RYK: variants seen among roughly 807,000 people sequenced by gnomAD.
RYK encodes inactive tyrosine-protein kinase RYK.
RYK carries 21 observed loss-of-function variants against 70.2 expected under a neutral mutation model. That is an observed-to-expected ratio of 0.30 (90% CI 0.21 to 0.43). RYK has a LOEUF of 0.43. RYK is among the 20% of genes least tolerant of loss of function. The pLI, the probability that RYK is intolerant of heterozygous loss-of-function variation, is 1.00. For missense variants in RYK, 604 were observed against 753.3 expected, an observed-to-expected ratio of 0.80 and a Z score of 2.32; for synonymous variants, 267 against 278.0, an observed-to-expected ratio of 0.96 and a Z score of 0.39.
chr3:134,196,155 T>C (rs1406621719), intron 6 of RYK, among the ~76,000 whole-genome samples: 2 of 152,188 alleles, frequency 1.3e-5, no homozygotes, highest in Non-Finnish European at 2.9e-5. Flanking sequence ...TACTGCAAAG[T>C]AATGCTGCTC....
At chr3:134,199,708 G>T (rs2013927581) in intron 6 of RYK, among the ~76,000 whole-genome samples, 1 of 152,114 alleles carries the variant, frequency 6.6e-6, no homozygotes, top group Admixed American at 6.5e-5. Context: ...TAGCTTGCCT[G>T]GCAGGTAATA....
intron 1 of RYK, among the ~76,000 whole-genome samples, chr3:134,250,219 G>C (rs946247242): frequency 6.6e-6 from 1 of 152,062 alleles, no homozygotes; most frequent in African/African-American, 2.4e-5. Context: ...CGGCACGAAG[G>C]CTGACCCAGA....
intron 1 of RYK, among the ~76,000 whole-genome samples, chr3:134,231,496 C>G (rs1162140856): frequency 2.0e-5 from 3 of 152,178 alleles, no homozygotes; most frequent in Non-Finnish European, 4.4e-5. Flanking sequence ...GAAGACAGGG[C>G]AAAGACTGCA....
chr3:134,220,021 C>T (rs2014689790), intron 2 of RYK, among the ~76,000 whole-genome samples: 1 of 152,042 alleles, frequency 6.6e-6, no homozygotes, highest in South Asian at 2.1e-4. Flanking sequence ...TCGGAGTTAC[C>T]ACCACCAGTC....
chr3:134,164,486 T>C (rs924520392), intron 13 of RYK, among the ~76,000 whole-genome samples: 4 of 152,244 alleles, frequency 2.6e-5, no homozygotes, highest in African/African-American at 9.6e-5. Flanking sequence ...TGGCGTTTTC[T>C]AGAATTATAT....
intron 6 of RYK, among the ~76,000 whole-genome samples, chr3:134,200,591 A>C (rs2013982287): frequency 6.6e-6 from 1 of 152,242 alleles, no homozygotes; most frequent in African/African-American, 2.4e-5. Flanking sequence ...TAAAAACTTC[A>C]TAAAATGCCA....
At chr3:134,196,627 ACG>A (rs1491357498) in intron 6 of RYK, among the ~76,000 whole-genome samples, 1 of 143,974 alleles carries the variant, frequency 6.9e-6, no homozygotes, top group African/African-American at 2.6e-5. Context: ...ACACACACAC[ACG>A]GCTGCTATGT....
intron 13 of RYK, among the ~76,000 whole-genome samples, chr3:134,165,393 A>G (rs1447268389): frequency 2.0e-5 from 3 of 152,198 alleles, no homozygotes; most frequent in Non-Finnish European, 4.4e-5. Flanking sequence ...AGTGCTGAGT[A>G]ACAGAAGTGG....
intron 13 of RYK, among the ~76,000 whole-genome samples, chr3:134,162,105 T>C (rs76710167): frequency 2.7e-3 from 404 of 152,294 alleles, no homozygotes; most frequent in South Asian, 0.011. Context: ...CTCATGTGTG[T>C]GTCTCTTTTC....
intron 11 of RYK, among the ~76,000 whole-genome samples, chr3:134,176,636 C>G (rs2013107605): frequency 6.6e-6 from 1 of 151,964 alleles, no homozygotes; most frequent in Admixed American, 6.6e-5. Flanking sequence ...GTCCCAGCTA[C>G]TCAGGAGGCT....
chr3:134,191,787 A>G (rs554508310), intron 8 of RYK, 62 bp downstream of exon 8: 432 of 1,372,076 alleles, frequency 3.1e-4, no homozygotes, highest in Non-Finnish European at 3.9e-4. Flanking sequence ...ATTTTTGAAA[A>G]AAGTGTCTAT....
intron 1 of RYK, among the ~76,000 whole-genome samples, chr3:134,228,508 A>G (rs948068198): frequency 6.6e-6 from 1 of 152,248 alleles, no homozygotes; most frequent in African/African-American, 2.4e-5. Flanking sequence ...GTATTATTCA[A>G]CTTTTAAAAA....
chr3:134,174,594 A>G (rs1055115552), intron 13 of RYK, among the ~76,000 whole-genome samples: 44 of 152,248 alleles, frequency 2.9e-4, no homozygotes, highest in Admixed American at 1.0e-3. Flanking sequence ...GTGGGACCCT[A>G]TAAGCAGAAG....
chr3:134,247,432 G>C (rs541752765), intron 1 of RYK, among the ~76,000 whole-genome samples: 1 of 152,302 alleles, frequency 6.6e-6, no homozygotes, highest in African/African-American at 2.4e-5. Flanking sequence ...AGCCGGATGC[G>C]GTGGCTCACA....
chr3:134,202,473 G>GGA (rs1326636629), intron 6 of RYK: 3 of 389,624 alleles, frequency 7.7e-6, no homozygotes, highest in Non-Finnish European at 1.4e-5. Flanking sequence ...CATGTCAAAG[G>GGA]GAATAGAAAA....
intron 9 of RYK, among the ~76,000 whole-genome samples, chr3:134,187,110 T>C (rs1452503166): frequency 6.6e-6 from 1 of 152,158 alleles, no homozygotes; most frequent in Non-Finnish European, 1.5e-5. Flanking sequence ...AAAATAAATA[T>C]TGAATGATAT....
chr3:134,177,798 G>T, intron 11 of RYK, 143 bp downstream of exon 11: 1 of 694,080 alleles, frequency 1.4e-6, no homozygotes, highest in Non-Finnish European at 2.4e-6. Flanking sequence ...AAGCCAACAG[G>T]TTATAAATAT....
chr3:134,163,329 T>G (rs1286813152), intron 13 of RYK, among the ~76,000 whole-genome samples: 2 of 152,204 alleles, frequency 1.3e-5, no homozygotes, highest in Non-Finnish European at 2.9e-5. Context: ...ACTGAACCAT[T>G]TAAAATTTAG....
chr3:134,181,569 C>A (rs2013295624), intron 10 of RYK: 1 of 152,128 alleles, frequency 6.6e-6, no homozygotes, highest in Admixed American at 6.5e-5. Context: ...AAGTAAGGCT[C>A]TGGGTAGTCA....
Sources: allele counts gnomAD v4.1 joint callset (sites outside exome capture counted in the v4.1 genomes callset), GRCh38; gene constraint gnomAD v4.1.1; transcripts MANE v1.5; gene names NCBI Gene and HGNC (gene_info 2026-07-23, HGNC 2026-07-21).